ICA1L: variants seen among roughly 807,000 people sequenced by gnomAD.
The protein encoded by ICA1L is islet cell autoantigen 1-like protein.
Under a neutral mutation model 61.3 loss-of-function variants are expected in ICA1L, and 50 were observed. The observed-to-expected ratio is 0.82, with a 90% CI of 0.65 to 1.03. The LOEUF is 1.03. Among genes scored for constraint, ICA1L ranks in the 50% least tolerant of loss-of-function variants. The pLI is 0.00. For missense variants in ICA1L, 508 were observed against 556.7 expected (o/e 0.91, Z 0.88); for synonymous variants, 161 against 191.3 (o/e 0.84, Z 1.31).
At chr2:202,784,316 A>G (rs897690091) in intron 12 of ICA1L, among the ~76,000 whole-genome samples, 2 of 152,148 alleles carry the variant, frequency 1.3e-5, no homozygotes, top group African/African-American at 4.8e-5. Context: ...GTGGTGGTAC[A>G]TGTCTGTAGA....
chr2:202,870,439 A>G (rs1319127967), intron 1 of ICA1L: 1 of 152,224 alleles, frequency 6.6e-6, no homozygotes, highest in East Asian at 1.9e-4. Context: ...ACTATTAAAT[A>G]AAGAGATTTC....
In ICA1L at chr2:202,807,756, G is replaced by A. The variant is rs139509059; in HGVS notation, c.910+3990C>T. Among the ~76,000 whole-genome samples the A allele has an allele frequency of 1.4e-3, 218 of 152,176 alleles. 2 individuals are homozygous for A. Among genetic ancestry groups the A allele is most frequent in the South Asian group, 0.012 (56 of 4,812 alleles). The stretch of plus-strand genomic sequence containing the variant: ...GAGAAAGGAGAGTAAAGGGGACTTT[G>A]TCTTGCAACTTGGATACCAGCTCAG... On this transcript the variant is annotated intron_variant, in intron 9 of 12. Transcript: ENST00000358299.
chr2:202,801,758 G>T (rs965213860), intron 9 of ICA1L, among the ~76,000 whole-genome samples: 13 of 152,198 alleles, frequency 8.5e-5, no homozygotes, highest in Admixed American at 2.6e-4. Context: ...TGCTGACACG[G>T]CCAGACAAGG....
intron 1 of ICA1L, among the ~76,000 whole-genome samples, chr2:202,838,546 GCTAT>G (rs747202150): frequency 1.2e-4 from 18 of 152,188 alleles, no homozygotes; most frequent in Admixed American, 3.9e-4. Flanking sequence ...TTATTGCATT[GCTAT>G]CTATCTCTTC....
At position 202,841,488 on chromosome 2, in the gene ICA1L, G is replaced by GCAC; in HGVS notation, c.-7-12473_-7-12472insGTG. On this transcript the variant is annotated intron_variant, in intron 1 of 12. Transcript: ENST00000358299. ...CTATGGAGGAGGCAAATTTGTTGTT[G>GCAC]AGGGTCCTTCTCCTGGGTGCACACG... 3.8e-6 allele frequency: 3 copies of GCAC among 788,968 alleles called. No individual in the cohort carries two copies. In the African/African-American group the frequency reaches 5.0e-5, roughly 13 times the overall value. The allele number at this position is 788,968 out of a possible 1,614,324, so 48.9% of individuals were successfully genotyped here.
chr2:202,852,445 C>T (rs778504527), intron 1 of ICA1L, among the ~76,000 whole-genome samples: 10 of 151,320 alleles, frequency 6.6e-5, no homozygotes, highest in South Asian at 4.2e-4. Flanking sequence ...CTGAGGCGGG[C>T]GGATCACAAG....
Position 202,822,389 on chromosome 2 carries a change from C to T in ICA1L, c.236-908G>A, listed in dbSNP as rs186534897. On this transcript the variant is annotated intron_variant, in intron 3 of 12. Coordinates refer to ENST00000358299, the MANE Select transcript of ICA1L (RefSeq NM_001288622.3). ...ATGTTGACCACGCTGGTCTCAAACTCCTAGCCTCAAGCCATCTTCCCACCT... is the reference window on the plus strand; with the variant it reads ...ATGTTGACCACGCTGGTCTCAAACTTCTAGCCTCAAGCCATCTTCCCACCT... Among the ~76,000 whole-genome samples the T allele has an allele frequency of 2.2e-4, 34 of 152,262 alleles. 1 individual carries two copies. The highest frequency in any genetic ancestry group is 7.9e-4 in the African/African-American group (33 of 41,556).
chr2:202,838,216 T>C (rs1354476009), intron 1 of ICA1L, among the ~76,000 whole-genome samples: 1 of 152,216 alleles, frequency 6.6e-6, no homozygotes, highest in Non-Finnish European at 1.5e-5. Flanking sequence ...TTTAGGATCA[T>C]GATGTTTAAT....
intron 8 of ICA1L, among the ~76,000 whole-genome samples, chr2:202,812,844 C>T (rs561962084): frequency 6.6e-6 from 1 of 152,064 alleles, no homozygotes; most frequent in East Asian, 1.9e-4. Context: ...TATTAGTTAA[C>T]TTGAAAAGTA....
intron 1 of ICA1L, among the ~76,000 whole-genome samples, chr2:202,836,672 C>G (rs1405691112): frequency 6.6e-6 from 1 of 151,844 alleles, no homozygotes; most frequent in Non-Finnish European, 1.5e-5. Context: ...GATTCAATCT[C>G]CTTACTCATT....
intron 9 of ICA1L, among the ~76,000 whole-genome samples, 176 bp from the exon 10 acceptor site, chr2:202,797,140 G>GTATATA (rs1238352059): frequency 1.1e-4 from 7 of 64,824 alleles, no homozygotes; most frequent in African/African-American, 2.0e-4. Context: ...ATTTGTGTGT[G>GTATATA]TGTGTGTGTG....
chr2:202,868,584 T>C (rs1017887022), intron 1 of ICA1L, among the ~76,000 whole-genome samples: 1 of 152,202 alleles, frequency 6.6e-6, no homozygotes, highest in African/African-American at 2.4e-5. Context: ...TATTTTAGCA[T>C]TGTAATAAAA....
chr2:202,840,531 C>G, intron 1 of ICA1L: 2 of 547,418 alleles, frequency 3.7e-6, no homozygotes, highest in Non-Finnish European at 7.2e-6. Flanking sequence ...CCTGCATAGC[C>G]ACTGGTGGTC....
intron 1 of ICA1L, among the ~76,000 whole-genome samples, chr2:202,835,476 G>C (rs569568738): frequency 1.3e-5 from 2 of 151,488 alleles, no homozygotes; most frequent in Admixed American, 1.3e-4. Flanking sequence ...AAAGTGCTGG[G>C]ATTACAGGCG....
intron 10 of ICA1L, among the ~76,000 whole-genome samples, chr2:202,794,503 C>T (rs976866672): frequency 2.0e-5 from 3 of 152,014 alleles, no homozygotes; most frequent in African/African-American, 4.8e-5. Context: ...AGTCAGGAAA[C>T]GTTCACTACT....
intron 1 of ICA1L, among the ~76,000 whole-genome samples, chr2:202,832,850 C>T (rs973417371): frequency 4.6e-5 from 7 of 152,038 alleles, no homozygotes; most frequent in African/African-American, 1.7e-4. Context: ...AAAAGTTCTT[C>T]TTACCAAAAA....
At chr2:202,799,971 A>G (rs1693044944) in intron 9 of ICA1L, among the ~76,000 whole-genome samples, 1 of 149,526 alleles carries the variant, frequency 6.7e-6, no homozygotes, top group South Asian at 2.1e-4. Context: ...TCCGCCTCCC[A>G]GGTTTAAGCG....
At chr2:202,814,369 AT>A (rs1168676459) in intron 8 of ICA1L, among the ~76,000 whole-genome samples, 1 of 151,978 alleles carries the variant, frequency 6.6e-6, no homozygotes, top group African/African-American at 2.4e-5. Flanking sequence ...ATGCCCCTTG[AT>A]TTTGCCTCTT....
intron 11 of ICA1L, among the ~76,000 whole-genome samples, chr2:202,786,447 G>A (rs1692584432): frequency 6.6e-6 from 1 of 152,058 alleles, no homozygotes; most frequent in Admixed American, 6.6e-5. Flanking sequence ...TACTCGGGAG[G>A]CTGAGGCAGG....
Sources: allele counts gnomAD v4.1 joint callset (sites outside exome capture counted in the v4.1 genomes callset), GRCh38; gene constraint gnomAD v4.1.1; transcripts MANE v1.5; gene names NCBI Gene and HGNC (gene_info 2026-07-23, HGNC 2026-07-21).